Variants in PRDM16 observed in about 807,000 individuals in gnomAD.
The protein encoded by PRDM16 is PR/SET domain 16, also known as histone-lysine N-methyltransferase PRDM16.
In PRDM16, 23 loss-of-function variants were observed where a neutral mutation model predicts 110.6. That is an observed-to-expected ratio of 0.21 (90% CI 0.15 to 0.29). The LOEUF (loss-of-function observed/expected upper bound fraction) is 0.29. PRDM16 is among the 10% of genes least tolerant of loss of function. The pLI is 1.00. For synonymous variants in PRDM16, 799 were observed against 781.8 expected (o/e 1.02, Z -0.37); for missense variants, 1,615 against 1,794.3 (o/e 0.90, Z 1.81).
At chr1:3,180,002 C>T (rs951362458) in intron 1 of PRDM16, among the ~76,000 whole-genome samples, 1 of 151,994 alleles carries the variant, frequency 6.6e-6, no homozygotes, top group Admixed American at 6.5e-5. Context: ...AGCGCAGAAT[C>T]GTTATCCCTG....
chr1:3,403,184 C>T lies in PRDM16; in HGVS notation c.884+186C>T, dbSNP rs578054633. Reference sequence around the variant, plus strand: ...ATATGTGCCCCTTCTGGGACACTGGCGCTGCGGGCAGAGCAGGTGCAGGAT... The same window carrying T: ...ATATGTGCCCCTTCTGGGACACTGGTGCTGCGGGCAGAGCAGGTGCAGGAT... On this transcript the variant is annotated intron_variant, in intron 6 of 16. Transcript: ENST00000270722. 2.6e-5 allele frequency among the ~76,000 whole-genome samples: 4 copies of T among 152,282 alleles called. No homozygotes were observed. The South Asian group carries it at 6.2e-4, about 24-fold the overall frequency.
chr1:3,325,397 T>G (rs1641865523), intron 3 of PRDM16, among the ~76,000 whole-genome samples: 1 of 152,166 alleles, frequency 6.6e-6, no homozygotes, highest in Non-Finnish European at 1.5e-5. Context: ...TTCCTGGGAA[T>G]GGACCGAGTC....
intron 1 of PRDM16, among the ~76,000 whole-genome samples, chr1:3,073,081 G>A (rs572483695): frequency 2.6e-4 from 39 of 152,352 alleles, no homozygotes; most frequent in African/African-American, 7.9e-4. Flanking sequence ...GCAGGTGCCA[G>A]CCCGACATCC....
chr1:3,215,264 G>A (rs1442967471), intron 2 of PRDM16, among the ~76,000 whole-genome samples: 7 of 147,472 alleles, frequency 4.7e-5, no homozygotes, highest in Admixed American at 2.0e-4. Flanking sequence ...AGCGGAACCC[G>A]ACCTCTGTGT....
chr1:3,073,223 C>T (rs949696740), intron 1 of PRDM16, among the ~76,000 whole-genome samples: 1 of 152,224 alleles, frequency 6.6e-6, no homozygotes, highest in Non-Finnish European at 1.5e-5. Context: ...GGGCTCCCCC[C>T]ACCGGGCCCC....
intron 1 of PRDM16, among the ~76,000 whole-genome samples, chr1:3,145,773 C>G (rs1332122292): frequency 6.6e-6 from 1 of 152,218 alleles, no homozygotes; most frequent in Non-Finnish European, 1.5e-5. Flanking sequence ...TTCCTGCCCA[C>G]CGAGGCTCCC....
intron 5 of PRDM16, among the ~76,000 whole-genome samples, chr1:3,397,653 G>A (rs1196092265): frequency 6.6e-6 from 1 of 152,256 alleles, no homozygotes; most frequent in Non-Finnish European, 1.5e-5. Context: ...CGTTTCCGGC[G>A]CTGGTGATTC....
chr1:3,172,829 G>A (rs1486058935), intron 1 of PRDM16, among the ~76,000 whole-genome samples: 1 of 152,218 alleles, frequency 6.6e-6, no homozygotes, highest in African/African-American at 2.4e-5. Context: ...CTTTCTCTCT[G>A]GGGAGATGCA....
intron 3 of PRDM16, among the ~76,000 whole-genome samples, chr1:3,337,293 A>G (rs1315567693): frequency 6.6e-6 from 1 of 152,222 alleles, no homozygotes; most frequent in Non-Finnish European, 1.5e-5. Context: ...ATTCTAATTC[A>G]GGAGACAGGA....
intron 1 of PRDM16, among the ~76,000 whole-genome samples, chr1:3,163,511 AC>A (rs766191103): frequency 6.6e-6 from 1 of 152,116 alleles, no homozygotes; most frequent in Non-Finnish European, 1.5e-5. Flanking sequence ...AGTTGGTAAA[AC>A]CCACGCGGCG....
In PRDM16 at chr1:3,434,762, G is replaced by A. The variant is rs1022701028; in HGVS notation, c.*951G>A. 1.3e-5 allele frequency: 3 copies of A among 232,412 alleles called. No individual in the cohort carries two copies. The highest frequency in any genetic ancestry group is 1.8e-4 in the South Asian group (1 of 5,522). 14.4% of individuals were successfully genotyped at this position (232,412 alleles called of 1,614,324 possible). A position where few individuals can be genotyped will look rare whatever the true frequency, so the allele number is the denominator to read the frequency against. ...GCTTGGATCCGCCATGCAGAGATGT[G>A]GCCGGGCACCCATCTTCCTTCCCTC... On this transcript the variant is annotated 3_prime_UTR_variant, in exon 17 of 17. Coordinates refer to ENST00000270722, the MANE Select transcript of PRDM16 (RefSeq NM_022114.4).
At chr1:3,114,715 A>AC (rs1465895864) in intron 1 of PRDM16, among the ~76,000 whole-genome samples, 1 of 152,134 alleles carries the variant, frequency 6.6e-6, no homozygotes, top group Non-Finnish European at 1.5e-5. Context: ...GAGGGAAGGC[A>AC]CCCTCCTGCA....
chr1:3,272,096 C>T (rs1013694357), intron 3 of PRDM16, among the ~76,000 whole-genome samples: 1 of 152,176 alleles, frequency 6.6e-6, no homozygotes, highest in African/African-American at 2.4e-5. Flanking sequence ...CAGACGCTTC[C>T]AGAGGTGGCT....
chr1:3,277,763 ACG>A (rs1362956075), intron 3 of PRDM16, among the ~76,000 whole-genome samples: 7 of 139,078 alleles, frequency 5.0e-5, no homozygotes, highest in Admixed American at 7.3e-5. Context: ...ACATGCACAC[ACG>A]CGCACACACA....
intron 1 of PRDM16, among the ~76,000 whole-genome samples, chr1:3,107,541 G>A (rs1031705178): frequency 5.3e-5 from 8 of 152,152 alleles, no homozygotes; most frequent in African/African-American, 1.7e-4. Flanking sequence ...TCTCCTTACC[G>A]CCATCCTCAT....
intron 1 of PRDM16, among the ~76,000 whole-genome samples, chr1:3,130,449 T>C (rs1260816628): frequency 6.6e-6 from 1 of 152,154 alleles, no homozygotes; most frequent in Non-Finnish European, 1.5e-5. Flanking sequence ...CCTGCGGCCA[T>C]GGGGCTTTGG....
chr1:3,126,151 G>C (rs1643200428), intron 1 of PRDM16, among the ~76,000 whole-genome samples: 1 of 152,196 alleles, frequency 6.6e-6, no homozygotes, highest in Admixed American at 6.5e-5. Flanking sequence ...GGGAGAAAGG[G>C]GCCATTGTGG....
rs4648456 is a variant in PRDM16 at position 3,208,882 on chromosome 1, T to C, written c.387+22408T>C. On this transcript the variant is annotated intron_variant, in intron 2 of 16. Transcript: ENST00000270722. The surrounding 1 kb of genome is among the most constrained non-coding windows in gnomAD (Gnocchi z 6.1). ...GTGCCTGTCCAGAGGCCCCCCCAGG[T>C]CCCCACGAGTGGGTGGAAAGTCTTG... 0.31 allele frequency among the ~76,000 whole-genome samples: 46,663 copies of C among 152,018 alleles called. 10,216 individuals carry two copies. The highest frequency in any genetic ancestry group is 0.62 in the African/African-American group (25,764 of 41,430).
intron 1 of PRDM16, among the ~76,000 whole-genome samples, chr1:3,093,805 A>G (rs1311189360): frequency 6.6e-6 from 1 of 152,126 alleles, no homozygotes; most frequent in Non-Finnish European, 1.5e-5. Flanking sequence ...AGCAATGCCC[A>G]ATGTAGCCCA....
Sources: allele counts gnomAD v4.1 joint callset (sites outside exome capture counted in the v4.1 genomes callset), GRCh38; gene constraint gnomAD v4.1.1; non-coding constraint Gnocchi (gnomAD v3.1); transcripts MANE v1.5; gene names NCBI Gene and HGNC (gene_info 2026-07-23, HGNC 2026-07-21).